TMEM196: variants seen among roughly 807,000 people sequenced by gnomAD.
The protein encoded by TMEM196 is transmembrane protein 196.
TMEM196 carries 17 observed loss-of-function variants against 20.0 expected under a neutral mutation model. The ratio of observed to expected loss-of-function variants is 0.85; its 90% confidence interval spans 0.58 to 1.27. The LOEUF (loss-of-function observed/expected upper bound fraction) is 1.27, where lower values mean the gene tolerates loss of function less well. Among genes scored for constraint, TMEM196 ranks in the 50% most tolerant of loss-of-function variants. The pLI, the probability that TMEM196 is intolerant of heterozygous loss-of-function variation, is 0.00. For synonymous variants in TMEM196, 113 were observed against 88.9 expected, an observed-to-expected ratio of 1.27 and a Z score of -1.52; for missense variants, 267 against 223.0, an observed-to-expected ratio of 1.20 and a Z score of -1.26.
chr7:19,758,102 C>T (rs1785289825), intron 1 of TMEM196, among the ~76,000 whole-genome samples: 1 of 151,824 alleles, frequency 6.6e-6, no homozygotes, highest in Non-Finnish European at 1.5e-5. Flanking sequence ...ATTTCCAGTC[C>T]AAAGTTTTGA....
At chr7:19,741,063 C>T (rs1360611422) in intron 1 of TMEM196, among the ~76,000 whole-genome samples, 1 of 152,098 alleles carries the variant, frequency 6.6e-6, no homozygotes, top group African/African-American at 2.4e-5. Context: ...TTTTGTAAAG[C>T]ATTTTGATAG....
intron 1 of TMEM196, among the ~76,000 whole-genome samples, chr7:19,737,448 C>T (rs1784449046): frequency 6.6e-6 from 1 of 151,938 alleles, no homozygotes; most frequent in Non-Finnish European, 1.5e-5. Flanking sequence ...TGTGGCCCAA[C>T]AATTGTGCTT....
chr7:19,727,437 T>G (rs143864319), intron 2 of TMEM196, among the ~76,000 whole-genome samples: 4 of 152,174 alleles, frequency 2.6e-5, no homozygotes, highest in Non-Finnish European at 4.4e-5. Context: ...GTAAATATCA[T>G]CAGAGCTAAA....
At chr7:19,726,857 C>G (rs1784017838) in intron 2 of TMEM196, among the ~76,000 whole-genome samples, 1 of 152,074 alleles carries the variant, frequency 6.6e-6, no homozygotes, top group Non-Finnish European at 1.5e-5. Context: ...TTCCATTCTT[C>G]TCGGGAACAC....
chr7:19,742,778 G>C (rs1487081780), intron 1 of TMEM196, among the ~76,000 whole-genome samples: 1 of 152,132 alleles, frequency 6.6e-6, no homozygotes, highest in Non-Finnish European at 1.5e-5. Flanking sequence ...ATATTGGAAT[G>C]ACATGGGGAT....
At chr7:19,757,337 CTTTTTTTTTTTT>C (rs59859025) in intron 1 of TMEM196, among the ~76,000 whole-genome samples, 2 of 70,874 alleles carry the variant, frequency 2.8e-5, no homozygotes, top group African/African-American at 6.2e-5. Context: ...CCACACCCAG[CTTTTTTTTTTTT>C]TTTTTTTTTT....
chr7:19,722,026 C>T lies in TMEM196; in HGVS notation c.*102G>A, dbSNP rs147506804. 30 of 1,480,960 alleles carry T rather than the reference C, an allele frequency of 2.0e-5. No homozygotes were observed. In the East Asian group the frequency reaches 5.5e-4, roughly 27 times the overall value. 91.7% of individuals were successfully genotyped at this position (1,480,960 alleles called of 1,614,324 possible). A position where few individuals can be genotyped will look rare whatever the true frequency, so the allele number is the denominator to read the frequency against. On this transcript the variant is annotated 3_prime_UTR_variant, in exon 5 of 5. Coordinates refer to ENST00000405844, the MANE Select transcript of TMEM196 (RefSeq NM_001363562.2). ...TTTATTTTCTAGTCCTTTGGTGTCT[C>T]ATTGCCTCATGAAAATCCTAAAAAG...
chr7:19,735,849 A>T (rs1356462870), intron 1 of TMEM196, among the ~76,000 whole-genome samples: 2 of 152,174 alleles, frequency 1.3e-5, no homozygotes, highest in Non-Finnish European at 2.9e-5. Context: ...ATTAGAGGAG[A>T]TATACTCATT....
chr7:19,753,280 T>C (rs1473034672), intron 1 of TMEM196, among the ~76,000 whole-genome samples: 1 of 152,162 alleles, frequency 6.6e-6, no homozygotes, highest in African/African-American at 2.4e-5. Flanking sequence ...TAAAGAGAAG[T>C]CTATTTTTTA....
At chr7:19,725,245 T>G (rs17452423) in intron 3 of TMEM196, among the ~76,000 whole-genome samples, 3,907 of 152,324 alleles carry the variant, frequency 0.026, 79 homozygotes, top group South Asian at 0.069. Context: ...TACATAAAAA[T>G]CCATATTTAT....
At chr7:19,724,540 T>C (rs1020080244) in intron 3 of TMEM196, among the ~76,000 whole-genome samples, 187 bp from the exon 4 acceptor site, 1 of 152,234 alleles carries the variant, frequency 6.6e-6, no homozygotes, top group East Asian at 1.9e-4. Context: ...AACTGTTTCA[T>C]GAAGGACATG....
At chr7:19,761,809 C>G (rs765876593) in intron 1 of TMEM196, among the ~76,000 whole-genome samples, 1 of 152,166 alleles carries the variant, frequency 6.6e-6, no homozygotes, top group Non-Finnish European at 1.5e-5. Context: ...CTAAAGAAAT[C>G]CAAGTCCAAA....
intron 1 of TMEM196, among the ~76,000 whole-genome samples, chr7:19,743,965 C>T (rs777088396): frequency 2.6e-5 from 4 of 152,030 alleles, no homozygotes; most frequent in South Asian, 2.1e-4. Context: ...TTGTCTGATC[C>T]GAATCAGATA....
chr7:19,726,548 T>C (rs555703890), intron 2 of TMEM196, among the ~76,000 whole-genome samples: 59 of 152,222 alleles, frequency 3.9e-4, no homozygotes, highest in African/African-American at 1.4e-3. Context: ...AAAAATACTG[T>C]TCGTTTGTTC....
intron 1 of TMEM196, among the ~76,000 whole-genome samples, chr7:19,762,834 G>A (rs551987988): frequency 7.5e-4 from 114 of 152,314 alleles, no homozygotes; most frequent in Middle Eastern, 3.4e-3. Context: ...AGGAATGGAA[G>A]TTATGTTCTT....
chr7:19,756,075 A>G (rs541944803), intron 1 of TMEM196, among the ~76,000 whole-genome samples: 1 of 141,680 alleles, frequency 7.1e-6, no homozygotes, highest in South Asian at 2.3e-4. Flanking sequence ...CCAGCTACTC[A>G]TTTCTTTTGA....
intron 1 of TMEM196, among the ~76,000 whole-genome samples, chr7:19,758,919 T>C (rs118065484): frequency 4.6e-5 from 7 of 152,144 alleles, no homozygotes; most frequent in Non-Finnish European, 1.0e-4. Flanking sequence ...TAGACAAAGA[T>C]GAGAATTAAT....
intron 1 of TMEM196, among the ~76,000 whole-genome samples, chr7:19,762,451 A>T (rs1351454535): frequency 1.4e-4 from 21 of 152,164 alleles, no homozygotes; most frequent in Admixed American, 1.4e-3. Context: ...GCAGTAACTT[A>T]AACTTTTTAT....
intron 1 of TMEM196, among the ~76,000 whole-genome samples, chr7:19,762,139 T>A (rs1280206000): frequency 1.3e-5 from 2 of 152,150 alleles, no homozygotes; most frequent in Non-Finnish European, 2.9e-5. Context: ...AGGGGAACTT[T>A]GAATTTGCAG....
Sources: gnomAD v4.1 joint callset for allele counts (sites outside exome capture counted in the v4.1 genomes callset) on GRCh38, gnomAD v4.1.1 for gene constraint, MANE v1.5 for transcripts, NCBI Gene and HGNC (gene_info 2026-07-23, HGNC 2026-07-21) for gene names.